GRIN2B: variants seen among roughly 807,000 people sequenced by gnomAD.
GRIN2B encodes glutamate ionotropic receptor NMDA type subunit 2B.
Under a neutral mutation model 114.5 loss-of-function variants are expected in GRIN2B, and 5 were observed. The observed-to-expected ratio is 0.04, with a 90% CI of 0.02 to 0.09. The LOEUF (loss-of-function observed/expected upper bound fraction) is 0.09, where lower values mean the gene tolerates loss of function less well. GRIN2B is among the 10% of genes least tolerant of loss of function. The pLI is 1.00. For synonymous variants in GRIN2B, 787 were observed against 745.1 expected, an observed-to-expected ratio of 1.06 and a Z score of -0.92; for missense variants, 1,108 against 1,943.5, an observed-to-expected ratio of 0.57 and a Z score of 8.08.
intron 2 of GRIN2B, among the ~76,000 whole-genome samples, chr12:13,922,285 T>G (rs933090964): frequency 6.6e-6 from 1 of 152,058 alleles, no homozygotes; most frequent in African/African-American, 2.4e-5. Flanking sequence ...TTAGCCAGAG[T>G]GGCAGATAGC....
chr12:13,809,163 C>T (rs1012620116), intron 3 of GRIN2B, among the ~76,000 whole-genome samples: 3 of 152,172 alleles, frequency 2.0e-5, no homozygotes, highest in Non-Finnish European at 4.4e-5. Context: ...TGCCAAATGT[C>T]TTCTGGAAGC....
intron 5 of GRIN2B, among the ~76,000 whole-genome samples, chr12:13,650,577 A>ATTC (rs1949803904): frequency 6.6e-6 from 1 of 152,042 alleles, no homozygotes; most frequent in Admixed American, 6.6e-5. Context: ...CTGAACAAGA[A>ATTC]ATTATATCCC....
chr12:13,579,571 ATCATCATCATTG>A (rs1382074831), intron 10 of GRIN2B, among the ~76,000 whole-genome samples: 1 of 152,208 alleles, frequency 6.6e-6, no homozygotes, highest in Admixed American at 6.5e-5. Flanking sequence ...CATTATTACT[ATCATCATCATTG>A]TCATCATCAT....
At chr12:13,708,457 A>T (rs1950382386) in intron 4 of GRIN2B, among the ~76,000 whole-genome samples, 1 of 152,090 alleles carries the variant, frequency 6.6e-6, no homozygotes, top group Admixed American at 6.6e-5. Context: ...ATTAAAATAG[A>T]GGTGGACTAT....
chr12:13,867,990 C>T (rs746321655), intron 2 of GRIN2B, among the ~76,000 whole-genome samples: 15 of 151,894 alleles, frequency 9.9e-5, no homozygotes, highest in East Asian at 5.8e-4. Context: ...AGGAAGTGTT[C>T]GAGTTGAGCA....
chr12:13,853,786 T>C (rs544344873), intron 3 of GRIN2B, among the ~76,000 whole-genome samples: 1 of 152,342 alleles, frequency 6.6e-6, no homozygotes, highest in Admixed American at 6.5e-5. Flanking sequence ...TATCAGCCAT[T>C]TTCATTTGGG....
chr12:13,692,466 C>T (rs1034622497), intron 4 of GRIN2B, among the ~76,000 whole-genome samples: 12 of 151,894 alleles, frequency 7.9e-5, no homozygotes, highest in African/African-American at 2.7e-4. Flanking sequence ...TGGGTGGGGC[C>T]CCTGTCTGTG....
At chr12:13,722,593 G>C (rs1166573856) in intron 4 of GRIN2B, among the ~76,000 whole-genome samples, 4 of 152,036 alleles carry the variant, frequency 2.6e-5, no homozygotes, top group East Asian at 1.9e-4. Flanking sequence ...TGAATTATGA[G>C]GCAGACTTAG....
chr12:13,805,426 G>T (rs1040024325), intron 3 of GRIN2B, among the ~76,000 whole-genome samples: 4 of 152,110 alleles, frequency 2.6e-5, no homozygotes, highest in African/African-American at 7.2e-5. Flanking sequence ...AGATGGTATT[G>T]TTCTTTTCCT....
chr12:13,775,231 CA>C (rs1343456498), intron 3 of GRIN2B, among the ~76,000 whole-genome samples: 1 of 152,080 alleles, frequency 6.6e-6, no homozygotes, highest in Admixed American at 6.6e-5. Flanking sequence ...AGCAGAGGAG[CA>C]AAAGATAAAC....
intron 5 of GRIN2B, among the ~76,000 whole-genome samples, chr12:13,648,422 T>C (rs919807907): frequency 3.3e-5 from 5 of 151,942 alleles, no homozygotes; most frequent in Non-Finnish European, 5.9e-5. Context: ...CAAGCAATGA[T>C]GAAGGGCACA....
At chr12:13,738,300 T>C (rs1187945369) in intron 4 of GRIN2B, among the ~76,000 whole-genome samples, 1 of 152,218 alleles carries the variant, frequency 6.6e-6, no homozygotes, top group Non-Finnish European at 1.5e-5. Flanking sequence ...TACTCCAAAA[T>C]TTAGCAAAGC....
chr12:13,848,646 A>G (rs1037529770), intron 3 of GRIN2B, among the ~76,000 whole-genome samples: 7 of 152,184 alleles, frequency 4.6e-5, no homozygotes, highest in Admixed American at 4.6e-4. Context: ...AAGCACACAA[A>G]AAAACCCTTT....
chr12:13,838,811 T>C (rs1438741666), intron 3 of GRIN2B, among the ~76,000 whole-genome samples: 1 of 152,190 alleles, frequency 6.6e-6, no homozygotes, highest in Non-Finnish European at 1.5e-5. Flanking sequence ...CAGGGTGGTG[T>C]GTAGAGGAAA....
At chr12:13,685,027 T>A (rs78173696) in intron 4 of GRIN2B, among the ~76,000 whole-genome samples, 4,042 of 152,278 alleles carry the variant, frequency 0.027, 164 homozygotes, top group African/African-American at 0.084. Context: ...TCAGGCCTAC[T>A]GAAAGAATGT....
In GRIN2B at chr12:13,644,279, G is replaced by T. The variant is rs114046646; in HGVS notation, c.1126-27622C>A. 5.4e-3 allele frequency among the ~76,000 whole-genome samples: 817 copies of T among 152,204 alleles called. 5 individuals carry two copies. The highest frequency in any genetic ancestry group is 0.019 in the African/African-American group (776 of 41,542). ...ATGTCCTTGTACATCCACATGAGAG[G>T]TCTTGAATGACTAGATGTATTTATT... On this transcript the variant is annotated intron_variant, in intron 5 of 13. Transcript: ENST00000609686.
chr12:13,861,227 A>G (rs1020360103), intron 3 of GRIN2B, among the ~76,000 whole-genome samples: 1 of 152,210 alleles, frequency 6.6e-6, no homozygotes, highest in Non-Finnish European at 1.5e-5. Context: ...AGAATTGTAT[A>G]ATAGAAAGCA....
At chr12:13,589,921 G>A (rs970789211) in intron 10 of GRIN2B, among the ~76,000 whole-genome samples, 1 of 152,116 alleles carries the variant, frequency 6.6e-6, no homozygotes, top group African/African-American at 2.4e-5. Flanking sequence ...GGCCTTCAGA[G>A]AGAGTATTTC....
intron 3 of GRIN2B, among the ~76,000 whole-genome samples, chr12:13,762,130 A>G (rs1467304136): frequency 1.3e-5 from 2 of 152,082 alleles, no homozygotes. Flanking sequence ...CAGCCTCCTG[A>G]GTAGCTGGGA....
Sources: gnomAD v4.1 joint callset for allele counts (sites outside exome capture counted in the v4.1 genomes callset) on GRCh38, gnomAD v4.1.1 for gene constraint, MANE v1.5 for transcripts, NCBI Gene and HGNC (gene_info 2026-07-23, HGNC 2026-07-21) for gene names.